Variants in TRAPPC12 observed in about 807,000 individuals in gnomAD.
TRAPPC12 encodes the protein trafficking protein particle complex subunit 12.
In TRAPPC12, 61 loss-of-function variants were observed where a neutral mutation model predicts 69.2. The observed-to-expected ratio is 0.88, with a 90% CI of 0.72 to 1.09. The LOEUF (loss-of-function observed/expected upper bound fraction) is 1.09. Among genes scored for constraint, TRAPPC12 ranks in the 50% least tolerant of loss-of-function variants. The pLI, the probability that TRAPPC12 is intolerant of heterozygous loss-of-function variation, is 0.00. For missense variants in TRAPPC12, 1,101 were observed against 1,016.4 expected (o/e 1.08, Z -1.13); for synonymous variants, 469 against 438.9 (o/e 1.07, Z -0.86).
chr2:3,415,177 G>A (rs1662301908), intron 3 of TRAPPC12, among the ~76,000 whole-genome samples: 1 of 152,212 alleles, frequency 6.6e-6, no homozygotes, highest in Non-Finnish European at 1.5e-5. Context: ...TGGTGCAAAA[G>A]CGCTCCCCTT....
intron 9 of TRAPPC12, 115 bp downstream of exon 9, chr2:3,465,810 C>A: frequency 2.6e-6 from 2 of 769,510 alleles, no homozygotes; most frequent in Non-Finnish European, 4.5e-6. Context: ...GAAAATATTC[C>A]AATTCAAATG....
chr2:3,454,278 A>G (rs1262360056), intron 6 of TRAPPC12, among the ~76,000 whole-genome samples: 1 of 141,186 alleles, frequency 7.1e-6, no homozygotes, highest in Admixed American at 6.9e-5. Flanking sequence ...GTGGGTCTGG[A>G]GGGGTGTAGC....
intron 3 of TRAPPC12, among the ~76,000 whole-genome samples, chr2:3,410,050 G>A (rs1052321266): frequency 8.5e-5 from 13 of 152,172 alleles, no homozygotes; most frequent in South Asian, 2.1e-4. Flanking sequence ...TCTCTGCCAC[G>A]TGCTCTTTTG....
chr2:3,388,610 C>T lies in TRAPPC12; in HGVS notation c.987C>T (p.Gly329=). 5 of 1,602,240 alleles carry T rather than the reference C, an allele frequency of 3.1e-6. No individual in the cohort carries two copies. The highest frequency in any genetic ancestry group is 4.3e-6 in the Non-Finnish European group (5 of 1,173,612). The change falls in exon 2 of 12, where the codon GGC becomes GGT. Residue 329 remains glycine (G), a synonymous_variant. Transcript: ENST00000324266. ...VLRAVATQQR[G]AVFVDKENLT... ...GGGCCGTGGCCACCCAGCAGCGCGG[C>T]GCCGTGTTCGTGGACAAGGAGAACC...
rs748473854 is a variant in TRAPPC12, at chr2:3,387,864, G to T, written c.241G>T (p.Asp81Tyr). The change falls in exon 2 of 12, where the codon GAC (aspartate) becomes TAC (tyrosine). Residue 81 changes from aspartate to tyrosine, a missense_variant. Physicochemically the swap from Asp to Tyr is radical, Grantham distance 160. Transcript: ENST00000324266. ...LISDSPNSEG[D>Y]AGDLGRVRDE... is the part of the protein sequence containing the mutation. ...CTCTGACTCCCCCAACAGCGAGGGC[G>T]ACGCGGGCGACCTGGGCCGAGTGCG... 6.3e-7 allele frequency: 1 copy of T among 1,594,568 alleles called. No homozygotes were observed. Among genetic ancestry groups the T allele is most frequent in the African/African-American group, 1.3e-5 (1 of 74,318 alleles).
At chr2:3,466,222 C>T (rs752693609) in intron 9 of TRAPPC12, 6 of 469,110 alleles carry the variant, frequency 1.3e-5, no homozygotes, top group Admixed American at 4.7e-5. Context: ...TGATGAGTCC[C>T]GCCCACATCC....
At chr2:3,462,802 G>GC (rs962567154) in intron 8 of TRAPPC12, 36 of 432,274 alleles carry the variant, frequency 8.3e-5, no homozygotes, top group African/African-American at 5.3e-4. Context: ...GGTGGCTTGG[G>GC]CCCCCCCTCC....
intron 3 of TRAPPC12, among the ~76,000 whole-genome samples, chr2:3,409,035 T>G (rs1661888936): frequency 6.6e-6 from 1 of 152,208 alleles, no homozygotes; most frequent in African/African-American, 2.4e-5. Context: ...GCGGCTGTGA[T>G]CCTCTTCCTG....
chr2:3,393,676 AT>A (rs1660956443), intron 2 of TRAPPC12, among the ~76,000 whole-genome samples: 1 of 124,262 alleles, frequency 8.0e-6, no homozygotes, highest in African/African-American at 3.2e-5. Flanking sequence ...TGCCTTTTCT[AT>A]TTACCCACAT....
intron 6 of TRAPPC12, chr2:3,456,929 C>T (rs1256454248): frequency 5.8e-6 from 2 of 344,676 alleles, no homozygotes; most frequent in Non-Finnish European, 1.1e-5. Flanking sequence ...ACATATTCCC[C>T]ATGTATGATG....
In TRAPPC12 at chr2:3,414,980, C is replaced by T. The variant is rs538250905; in HGVS notation, c.1165-6901C>T. On this transcript the variant is annotated intron_variant, in intron 3 of 11. Transcript: ENST00000324266. The surrounding 1 kb of genome is among the most constrained non-coding windows in gnomAD (Gnocchi z 4.9). Reference sequence around the variant, plus strand: ...TTTCAGCTGTGGTTGGTTGAATCCACGCGTGTGGAACCTGCAGATACGGAG... The same window carrying T: ...TTTCAGCTGTGGTTGGTTGAATCCATGCGTGTGGAACCTGCAGATACGGAG... Among the ~76,000 whole-genome samples, 26 of 152,282 alleles carry T rather than the reference C, an allele frequency of 1.7e-4. No homozygotes were observed. Among genetic ancestry groups the T allele is most frequent in the South Asian group, 4.1e-4 (2 of 4,824 alleles).
intron 4 of TRAPPC12, among the ~76,000 whole-genome samples, chr2:3,423,608 G>C (rs1172594782): frequency 6.8e-6 from 1 of 147,946 alleles, no homozygotes; most frequent in Non-Finnish European, 1.5e-5. Flanking sequence ...TTGTCTTTCT[G>C]TGCCTGGCTT....
At chr2:3,434,830 C>T (rs773337991) in intron 5 of TRAPPC12, among the ~76,000 whole-genome samples, 1 of 152,140 alleles carries the variant, frequency 6.6e-6, no homozygotes, top group East Asian at 1.9e-4. Flanking sequence ...GAGGTGGCAG[C>T]GTGAGGGAAT....
At chr2:3,443,742 T>A (rs758936063) in intron 5 of TRAPPC12, 37 bp from the exon 6 acceptor site, 14 of 1,563,662 alleles carry the variant, frequency 9.0e-6, no homozygotes, top group Middle Eastern at 1.7e-4. Context: ...TGCTCAGTTA[T>A]GGCAAACAAA....
At chr2:3,381,208 G>A (rs1171185254) in intron 1 of TRAPPC12, among the ~76,000 whole-genome samples, 1 of 152,134 alleles carries the variant, frequency 6.6e-6, no homozygotes, top group Non-Finnish European at 1.5e-5. Context: ...TCTGTAGTGA[G>A]TGTTCATTAC....
At chr2:3,383,670 G>A (rs1468627852) in intron 1 of TRAPPC12, among the ~76,000 whole-genome samples, 1 of 151,962 alleles carries the variant, frequency 6.6e-6, no homozygotes, top group African/African-American at 2.4e-5. Flanking sequence ...CTCCGAAAGT[G>A]CTGGGATTAC....
chr2:3,445,877 T>A (rs1222523161), intron 6 of TRAPPC12, among the ~76,000 whole-genome samples: 1 of 152,284 alleles, frequency 6.6e-6, no homozygotes, highest in Non-Finnish European at 1.5e-5. Flanking sequence ...ACCCCTGTGC[T>A]GAATGGGGCC....
At chr2:3,445,739 G>T (rs1029899771) in intron 6 of TRAPPC12, among the ~76,000 whole-genome samples, 2 of 152,242 alleles carry the variant, frequency 1.3e-5, no homozygotes, top group African/African-American at 4.8e-5. Flanking sequence ...CACTTGCCTG[G>T]CTTCATCACT....
chr2:3,411,934 T>TA (rs960683216), intron 3 of TRAPPC12, among the ~76,000 whole-genome samples: 1 of 152,188 alleles, frequency 6.6e-6, no homozygotes, highest in East Asian at 1.9e-4. Flanking sequence ...TATCTTTTTT[T>TA]AAAAAAATTC....
Sources: gnomAD v4.1 joint callset for allele counts (sites outside exome capture counted in the v4.1 genomes callset) on GRCh38, gnomAD v4.1.1 for gene constraint, Gnocchi (gnomAD v3.1) non-coding constraint, MANE v1.5 for transcripts, NCBI Gene and HGNC (gene_info 2026-07-23, HGNC 2026-07-21) for gene names.